Variants in HECW2 observed in about 807,000 individuals in gnomAD.
HECW2 encodes E3 ubiquitin-protein ligase HECW2.
Under a neutral mutation model 175.2 loss-of-function variants are expected in HECW2, and 61 were observed. The ratio of observed to expected loss-of-function variants is 0.35; its 90% confidence interval spans 0.28 to 0.43. HECW2 has a LOEUF of 0.43. Among genes scored for constraint, HECW2 ranks in the 20% least tolerant of loss-of-function variants. The pLI is 1.00. For synonymous variants in HECW2, 671 were observed against 731.0 expected (o/e 0.92, Z 1.32); for missense variants, 1,524 against 2,000.5 (o/e 0.76, Z 4.54).
chr2:196,494,012 G>A (rs1007835390), intron 1 of HECW2, among the ~76,000 whole-genome samples: 2 of 152,188 alleles, frequency 1.3e-5, no homozygotes, highest in African/African-American at 4.8e-5. Flanking sequence ...TGACTAACCT[G>A]CTCCAAGGAT....
At chr2:196,355,503 C>T (rs975116203) in intron 2 of HECW2, among the ~76,000 whole-genome samples, 7 of 152,340 alleles carry the variant, frequency 4.6e-5, no homozygotes, top group Admixed American at 1.3e-4. Flanking sequence ...AGACTTCCTG[C>T]TGTCAAAGAA....
Position 196,370,520 on chromosome 2 carries a change from T to C in HECW2, c.293-26756A>G, listed in dbSNP as rs549646293. On this transcript the variant is annotated intron_variant, in intron 2 of 28. Transcript: ENST00000644978. Reference sequence around the variant, plus strand: ...GGGATGGCACAAGCACTCCCCTGGCTACCCCAGCTGGTGTCTCACTAGGTC... The same window carrying C: ...GGGATGGCACAAGCACTCCCCTGGCCACCCCAGCTGGTGTCTCACTAGGTC... Among the ~76,000 whole-genome samples the C allele has an allele frequency of 3.3e-5, 5 of 152,290 alleles. No individual in the cohort carries two copies. In the South Asian group the frequency reaches 6.2e-4, roughly 19 times the overall value.
At chr2:196,373,538 C>T (rs1261518362) in intron 2 of HECW2, among the ~76,000 whole-genome samples, 2 of 152,094 alleles carry the variant, frequency 1.3e-5, no homozygotes, top group African/African-American at 4.8e-5. Context: ...TTTAAAGGTC[C>T]GTAAGCATTT....
At chr2:196,244,073 C>T (rs1255214685) in intron 19 of HECW2, among the ~76,000 whole-genome samples, 2 of 152,188 alleles carry the variant, frequency 1.3e-5, no homozygotes, top group Non-Finnish European at 2.9e-5. Flanking sequence ...TTGTTCATTA[C>T]ATACCATGTA....
intron 2 of HECW2, among the ~76,000 whole-genome samples, chr2:196,378,547 T>C (rs529494577): frequency 2.6e-5 from 4 of 152,034 alleles, no homozygotes; most frequent in Non-Finnish European, 5.9e-5. Context: ...AGCCCCTAAA[T>C]AAAATAAAAG....
intron 28 of HECW2, among the ~76,000 whole-genome samples, chr2:196,202,225 A>T (rs1441052195): frequency 1.3e-5 from 2 of 152,310 alleles, no homozygotes; most frequent in Non-Finnish European, 2.9e-5. Flanking sequence ...TTGACTTAAA[A>T]AAAATACTCC....
intron 19 of HECW2, among the ~76,000 whole-genome samples, chr2:196,248,506 C>T (rs1688728490): frequency 6.6e-6 from 1 of 151,480 alleles, no homozygotes; most frequent in South Asian, 2.1e-4. Flanking sequence ...GGATCAAACA[C>T]CTTTTCTAAA....
At chr2:196,332,146 A>AAAC (rs1692387642) in intron 4 of HECW2, among the ~76,000 whole-genome samples, 1 of 142,720 alleles carries the variant, frequency 7.0e-6, no homozygotes, top group Non-Finnish European at 1.5e-5. Flanking sequence ...GTGAGAAAAG[A>AAAC]GACCACATGA....
At chr2:196,572,250 T>A (rs1227303022) in intron 1 of HECW2, among the ~76,000 whole-genome samples, 19 of 152,160 alleles carry the variant, frequency 1.2e-4, no homozygotes, top group Non-Finnish European at 1.5e-5. Context: ...TGGCATGATC[T>A]CGGCTCACTG....
At chr2:196,226,442 A>G (rs993047245) in intron 22 of HECW2, among the ~76,000 whole-genome samples, 2 of 152,184 alleles carry the variant, frequency 1.3e-5, no homozygotes, top group Admixed American at 1.3e-4. Flanking sequence ...CTTTATAGCA[A>G]TGCAAGAATG....
rs150337766 is a variant in HECW2 at position 196,234,815 on chromosome 2, G to A, written c.3764+5634C>T. ...AGGCAACCCCTGCGTGCAATTTCAC[G>A]CCACATTCAGTCAAGATGACTCAGT... On this transcript the variant is annotated intron_variant, in intron 21 of 28. Coordinates refer to ENST00000644978, the MANE Select transcript of HECW2 (RefSeq NM_001348768.2). Among the ~76,000 whole-genome samples the A allele has an allele frequency of 3.9e-5, 6 of 152,204 alleles. No individual in the cohort carries two copies. In the East Asian group the frequency reaches 7.7e-4, roughly 20 times the overall value.
chr2:196,248,362 T>C (rs1412649063), intron 19 of HECW2, among the ~76,000 whole-genome samples: 1 of 152,124 alleles, frequency 6.6e-6, no homozygotes, highest in African/African-American at 2.4e-5. Flanking sequence ...CTCTATACTA[T>C]GAGAGAGACA....
At chr2:196,392,652 C>T (rs1254246332) in intron 2 of HECW2, among the ~76,000 whole-genome samples, 1 of 151,992 alleles carries the variant, frequency 6.6e-6, no homozygotes, top group Admixed American at 6.6e-5. Flanking sequence ...TGCCAAATGC[C>T]ACCACCATGT....
intron 9 of HECW2, among the ~76,000 whole-genome samples, chr2:196,317,573 T>G (rs6710619): frequency 0.042 from 6,447 of 152,162 alleles, 473 homozygotes; most frequent in African/African-American, 0.15. Flanking sequence ...GTCCTCTGCA[T>G]GTATCCCCCG....
At chr2:196,329,273 C>T (rs1454961758) in intron 5 of HECW2, among the ~76,000 whole-genome samples, 2 of 152,068 alleles carry the variant, frequency 1.3e-5, no homozygotes, top group Non-Finnish European at 2.9e-5. Context: ...AAATTATTTT[C>T]AATAATCAAA....
At position 196,240,483 on chromosome 2, in the gene HECW2, T is replaced by G. The variant is rs760965096; in HGVS notation, c.3730A>C (p.Asn1244His). 64 of 1,612,286 alleles carry G rather than the reference T, an allele frequency of 4.0e-5. No individual in the cohort carries two copies. Among genetic ancestry groups the G allele is most frequent in the Non-Finnish European group, 5.3e-5 (63 of 1,179,492 alleles). Reference protein sequence around the residue: ...MGYSRKDLQRNKLYVTFVGEE... With the variant: ...MGYSRKDLQRHKLYVTFVGEE... The stretch of plus-strand genomic sequence containing the variant: ...CCAACGAAGGTGACATATAGCTTAT[T>G]TCTCTGCAGGTCTTTTCTGGAGTAG... The change falls in exon 21 of 29, where the codon AAT becomes CAT. Residue 1244 changes from asparagine (N) to histidine (H), a missense_variant. By Grantham distance (68) the Asn-to-His change is moderately conservative. This residue lies in a region of HECW2 where 291 missense variants were observed against 412.2 expected (regional missense o/e 0.71). Transcript: ENST00000644978.
chr2:196,275,140 C>T (rs1162332083), intron 15 of HECW2, among the ~76,000 whole-genome samples: 1 of 152,190 alleles, frequency 6.6e-6, no homozygotes, highest in African/African-American at 2.4e-5. Context: ...AATGCTCTCA[C>T]TCATTCTTCA....
At chr2:196,559,557 G>A (rs924321451) in intron 1 of HECW2, among the ~76,000 whole-genome samples, 3 of 152,180 alleles carry the variant, frequency 2.0e-5, no homozygotes, top group Admixed American at 6.5e-5. Context: ...TGGAACAGAC[G>A]AGGCTCTACT....
chr2:196,194,911 A>G lies in HECW2; in HGVS notation c.*6366T>C, dbSNP rs538218222. On this transcript the variant is annotated 3_prime_UTR_variant, in exon 29 of 29. Transcript: ENST00000644978. ...TGTGTTCTACTGAAATCTTAGAAAT[A>G]ATTTTTTTACAGAGCCTTAATATTA... is the stretch of plus-strand genomic sequence containing the variant. The G allele has an allele frequency of 3.3e-5, 5 of 152,178 alleles. No individual in the cohort carries two copies. The highest frequency in any genetic ancestry group is 7.4e-5 in the Non-Finnish European group (5 of 68,020). The allele number at this position is 152,178 out of a possible 1,614,324, so 9.4% of individuals were successfully genotyped here.
Sources: gnomAD v4.1 joint callset for allele counts (sites outside exome capture counted in the v4.1 genomes callset) on GRCh38, gnomAD v4.1.1 for gene constraint, gnomAD v4.1.1 regional missense constraint, MANE v1.5 for transcripts, NCBI Gene and HGNC (gene_info 2026-07-23, HGNC 2026-07-21) for gene names.